Variants in GAB2 observed in about 807,000 individuals in gnomAD.
GAB2 encodes the protein GRB2-associated-binding protein 2.
In GAB2, 26 loss-of-function variants were observed where a neutral mutation model predicts 65.5. The observed-to-expected ratio is 0.40, with a 90% CI of 0.29 to 0.55. GAB2 has a LOEUF of 0.55. GAB2 is among the 20% of genes least tolerant of loss of function. The pLI, the probability that GAB2 is intolerant of heterozygous loss-of-function variation, is 0.53. For synonymous variants in GAB2, 321 were observed against 329.6 expected, an observed-to-expected ratio of 0.97 and a Z score of 0.28; for missense variants, 884 against 875.8, an observed-to-expected ratio of 1.01 and a Z score of -0.12.
intron 1 of GAB2, among the ~76,000 whole-genome samples, chr11:78,413,804 G>A (rs73502985): frequency 0.046 from 7,069 of 152,138 alleles, 524 homozygotes; most frequent in African/African-American, 0.16. Context: ...AACCATGCAG[G>A]CTGGGCGCGG....
At chr11:78,281,542 A>G (rs4134379) in intron 1 of GAB2, among the ~76,000 whole-genome samples, 43,694 of 152,126 alleles carry the variant, frequency 0.29, 7,942 homozygotes, top group African/African-American at 0.51. Context: ...CACCATGCCC[A>G]GACGACCTTA....
chr11:78,326,077 T>C (rs2134670003), intron 1 of GAB2, among the ~76,000 whole-genome samples: 1 of 152,356 alleles, frequency 6.6e-6, no homozygotes, highest in South Asian at 2.1e-4. Context: ...TGAGAGTGAA[T>C]ATATACAATG....
At chr11:78,224,938 C>CT (rs1864579180) in intron 5 of GAB2, among the ~76,000 whole-genome samples, 170 bp downstream of exon 5, 1 of 152,176 alleles carries the variant, frequency 6.6e-6, no homozygotes, top group African/African-American at 2.4e-5. Flanking sequence ...ATACTTATAT[C>CT]TTACTTGTCC....
chr11:78,251,749 CT>C, intron 2 of GAB2, among the ~76,000 whole-genome samples: 1 of 152,176 alleles, frequency 6.6e-6, no homozygotes, highest in East Asian at 1.9e-4. Context: ...CTTGCTTCTT[CT>C]TCTGTGTGCC....
chr11:78,383,918 GTGACATTGCTGGCTTTCC>G (rs1279572000), intron 1 of GAB2, among the ~76,000 whole-genome samples: 1 of 152,234 alleles, frequency 6.6e-6, no homozygotes. Context: ...GCGGGCTTTC[GTGACATTGCTGGCTTTCC>G]TGACATTGCT....
Position 78,362,879 on chromosome 11 carries a change from C to T in GAB2, c.75+54767G>A, listed in dbSNP as rs114876002. Among the ~76,000 whole-genome samples, 1,210 of 152,256 alleles carry T rather than the reference C, an allele frequency of 7.9e-3. 13 individuals are homozygous for T. The highest frequency in any genetic ancestry group is 0.027 in the African/African-American group (1,139 of 41,550). On this transcript the variant is annotated intron_variant, in intron 1 of 9. Coordinates refer to ENST00000361507, the MANE Select transcript of GAB2 (RefSeq NM_080491.3). ...AGGTAAAAAGGCAAAGAGGGTCAGG[C>T]ACTTCACAAAGATAAGAGGTTCAAA...
At chr11:78,309,956 G>GCC in intron 1 of GAB2, among the ~76,000 whole-genome samples, 1 of 147,616 alleles carries the variant, frequency 6.8e-6, no homozygotes, top group Non-Finnish European at 1.5e-5. Flanking sequence ...GTGTGTGTGT[G>GCC]TGTGTGTGTG....
Position 78,416,142 on chromosome 11 carries a change from A to G in GAB2, c.75+1504T>C, listed in dbSNP as rs373285121. On this transcript the variant is annotated intron_variant, in intron 1 of 9. Coordinates refer to ENST00000361507, the MANE Select transcript of GAB2 (RefSeq NM_080491.3). Reference sequence around the variant, plus strand: ...CTGATACAACCCTGAAGAGGAAAAAAGTTTATTTCTTAATAATTATACTTT... The same window carrying G: ...CTGATACAACCCTGAAGAGGAAAAAGGTTTATTTCTTAATAATTATACTTT... 1.9e-4 allele frequency among the ~76,000 whole-genome samples: 29 copies of G among 152,270 alleles called. No homozygotes were observed. The South Asian group carries it at 5.6e-3, about 29-fold the overall frequency.
intron 1 of GAB2, among the ~76,000 whole-genome samples, chr11:78,335,414 TG>T (rs1262072063): frequency 2.0e-5 from 3 of 152,222 alleles, no homozygotes; most frequent in African/African-American, 7.2e-5. Flanking sequence ...ATTTGATTTT[TG>T]TATATGGTGA....
intron 1 of GAB2, among the ~76,000 whole-genome samples, chr11:78,339,184 C>G (rs1327187168): frequency 6.6e-6 from 1 of 152,138 alleles, no homozygotes; most frequent in African/African-American, 2.4e-5. Context: ...TCTCGGCCTC[C>G]CAAAGTGCTG....
Position 78,319,028 on chromosome 11 carries a change from C to T in GAB2, c.76-38127G>A, listed in dbSNP as rs571441142. Among the ~76,000 whole-genome samples the T allele has an allele frequency of 7.2e-5, 11 of 152,328 alleles. No homozygotes were observed. In the South Asian group the frequency reaches 2.3e-3, roughly 32 times the overall value. ...TCTGTGTTATGTTTTCCCTCCATCA[C>T]TGCCCCTCCCTGCTGCTGCACAACA... On this transcript the variant is annotated intron_variant, in intron 1 of 9. Coordinates refer to ENST00000361507, the MANE Select transcript of GAB2 (RefSeq NM_080491.3).
At chr11:78,353,392 G>C (rs1487822870) in intron 1 of GAB2, among the ~76,000 whole-genome samples, 1 of 152,224 alleles carries the variant, frequency 6.6e-6, no homozygotes, top group Non-Finnish European at 1.5e-5. Context: ...AGTGAGCCAA[G>C]ATTGTGCCAT....
At position 78,280,545 on chromosome 11, in the gene GAB2, A is replaced by T. The variant is rs545130877; in HGVS notation, c.376+56T>A. 9 of 1,356,326 alleles carry T rather than the reference A, an allele frequency of 6.6e-6. No homozygotes were observed. The South Asian group carries it at 1.0e-4, about 16-fold the overall frequency. 84.0% of individuals were successfully genotyped at this position (1,356,326 alleles called of 1,614,324 possible). ...TAGAGCCTGCTCTCAATGCTCCAGG[A>T]ATCCAAGGGCCTCACCTCAACCCCC... is the stretch of plus-strand genomic sequence containing the variant. On this transcript the variant is annotated intron_variant, in intron 2 of 9. Transcript: ENST00000361507.
chr11:78,407,658 TAAGAAAGAAAGAAAGA>T (rs375405621), intron 1 of GAB2, among the ~76,000 whole-genome samples: 24 of 117,234 alleles, frequency 2.0e-4, no homozygotes, highest in Non-Finnish European at 2.4e-4. Flanking sequence ...AGAAAGAAAG[TAAGAAAGAAAGAAAGA>T]AAGAAAGAAA....
chr11:78,312,456 C>T (rs549238675), intron 1 of GAB2, among the ~76,000 whole-genome samples: 3 of 152,330 alleles, frequency 2.0e-5, no homozygotes, highest in South Asian at 2.1e-4. Context: ...GACGGAGTCT[C>T]GCTCTGTCGC....
Position 78,218,438 on chromosome 11 carries a change from C to T in GAB2, c.*834G>A, listed in dbSNP as rs1213366474. On this transcript the variant is annotated 3_prime_UTR_variant, in exon 10 of 10. Transcript: ENST00000361507. Reference sequence around the variant, plus strand: ...TGAGGGGACTGGGGAAGAGGACTAGCCCTTGGGCCTAGAGTGGCCTGTAGC... The same window carrying T: ...TGAGGGGACTGGGGAAGAGGACTAGTCCTTGGGCCTAGAGTGGCCTGTAGC... 1.3e-5 allele frequency: 2 copies of T among 152,546 alleles called. No homozygotes were observed. The highest frequency in any genetic ancestry group is 2.9e-5 in the Non-Finnish European group (2 of 68,312). 9.4% of individuals were successfully genotyped at this position (152,546 alleles called of 1,614,324 possible).
chr11:78,280,996 C>T (rs938039469), intron 1 of GAB2, 95 bp from the exon 2 acceptor site: 13 of 1,017,628 alleles, frequency 1.3e-5, no homozygotes, highest in African/African-American at 1.3e-4. Flanking sequence ...CCCTGTTGCC[C>T]AGGCTGGAGT....
rs59402607 is a variant in GAB2, at chr11:78,307,604, T to TAGAGAG, written c.76-26709_76-26704dup. ...GAGATCCCATCTCTACAAAAAATGT[T>TAGAGAG]AGAGAGAGAGAGAGAGAGAGAGAGA... On this transcript the variant is annotated intron_variant, in intron 1 of 9. Coordinates refer to ENST00000361507, the MANE Select transcript of GAB2 (RefSeq NM_080491.3). Among the ~76,000 whole-genome samples, 697 of 121,918 alleles carry TAGAGAG rather than the reference T, an allele frequency of 5.7e-3. 25 individuals carry two copies. Among genetic ancestry groups the TAGAGAG allele is most frequent in the African/African-American group, 0.023 (632 of 27,520 alleles). The allele number at this position is 121,918 out of a possible 152,430, so 80.0% of individuals were successfully genotyped here.
At chr11:78,346,317 T>C (rs1054106464) in intron 1 of GAB2, among the ~76,000 whole-genome samples, 1 of 152,110 alleles carries the variant, frequency 6.6e-6, no homozygotes, top group Non-Finnish European at 1.5e-5. Flanking sequence ...AGACTTTTTA[T>C]GAGTATCATC....
Sources: allele counts gnomAD v4.1 joint callset (sites outside exome capture counted in the v4.1 genomes callset), GRCh38; gene constraint gnomAD v4.1.1; transcripts MANE v1.5; gene names NCBI Gene and HGNC (gene_info 2026-07-23, HGNC 2026-07-21).